CMC1: variants seen among roughly 807,000 people sequenced by gnomAD.
CMC1 encodes the protein C-X9-C motif containing 1.
Under a neutral mutation model 14.1 loss-of-function variants are expected in CMC1, and 14 were observed. The ratio of observed to expected loss-of-function variants is 0.99; its 90% CI spans 0.66 to 1.55. The LOEUF (loss-of-function observed/expected upper bound fraction) is 1.55. Ranked by LOEUF, CMC1 falls within the 40% of genes most tolerant of loss-of-function variation. CMC1 has a pLI of 0.00. For synonymous variants in CMC1, 50 were observed against 38.4 expected, an observed-to-expected ratio of 1.30 and a Z score of -1.12; for missense variants, 127 against 123.8, an observed-to-expected ratio of 1.03 and a Z score of -0.12.
Position 28,322,501 on chromosome 3 carries a change from A to G in CMC1, c.*2872A>G, listed in dbSNP as rs575747519. On this transcript the variant is annotated 3_prime_UTR_variant, in exon 4 of 4. Transcript: ENST00000466830. ...TTTAAAAAAGGCAAACCAGTAAGCT[A>G]CATTAGAGATCAGATATAATATACA... The G allele has an allele frequency of 6.6e-6, 1 of 151,864 alleles. No homozygotes were observed. The highest frequency in any genetic ancestry group is 1.5e-5 in the Non-Finnish European group (1 of 67,468). 9.4% of individuals were successfully genotyped at this position (151,864 alleles called of 1,614,324 possible). A position where few individuals can be genotyped will look rare whatever the true frequency, so the allele number is the denominator to read the frequency against.
intron 1 of CMC1, among the ~76,000 whole-genome samples, chr3:28,257,622 G>A (rs1044799514): frequency 6.6e-6 from 1 of 152,074 alleles, no homozygotes; most frequent in Non-Finnish European, 1.5e-5. Context: ...GGGTTCAAGC[G>A]ATTTTCCTGC....
At chr3:28,302,918 T>C (rs1044947785) in intron 2 of CMC1, among the ~76,000 whole-genome samples, 1 of 152,184 alleles carries the variant, frequency 6.6e-6, no homozygotes, top group Non-Finnish European at 1.5e-5. Context: ...GTAGGAGTTT[T>C]TCATGTGTTC....
At chr3:28,294,510 A>G in intron 2 of CMC1, 5 of 919,550 alleles carry the variant, frequency 5.4e-6, no homozygotes, top group Non-Finnish European at 6.5e-6. Flanking sequence ...GGACGAACTT[A>G]TATAGCTACA....
chr3:28,272,940 C>G (rs1406769931), intron 2 of CMC1, among the ~76,000 whole-genome samples: 1 of 152,188 alleles, frequency 6.6e-6, no homozygotes. Context: ...CCACCTTGGC[C>G]TCCCAAAGTG....
chr3:28,243,861 G>A (rs1007346512), intron 1 of CMC1, among the ~76,000 whole-genome samples: 3 of 152,172 alleles, frequency 2.0e-5, no homozygotes, highest in African/African-American at 7.2e-5. Flanking sequence ...CATTTTTACA[G>A]ATTGTGATAA....
chr3:28,253,356 C>T (rs1228765811), intron 1 of CMC1, among the ~76,000 whole-genome samples: 1 of 152,042 alleles, frequency 6.6e-6, no homozygotes, highest in African/African-American at 2.4e-5. Flanking sequence ...GTGGGTGGAT[C>T]GCTTGAGTCC....
intron 2 of CMC1, among the ~76,000 whole-genome samples, chr3:28,265,500 G>A (rs902249612): frequency 6.6e-6 from 1 of 152,010 alleles, no homozygotes; most frequent in Admixed American, 6.6e-5. Flanking sequence ...TTATATAAAA[G>A]CATTATATAT....
intron 2 of CMC1, among the ~76,000 whole-genome samples, chr3:28,303,073 A>T (rs1186387198): frequency 6.6e-6 from 1 of 152,204 alleles, no homozygotes; most frequent in Non-Finnish European, 1.5e-5. Flanking sequence ...TCATCTGGCA[A>T]ATGAAGATAA....
chr3:28,260,689 A>C (rs1699691402), intron 1 of CMC1, among the ~76,000 whole-genome samples: 1 of 151,944 alleles, frequency 6.6e-6, no homozygotes, highest in East Asian at 1.9e-4. Flanking sequence ...ACTTAAGTTA[A>C]TACAAGACCT....
At chr3:28,257,657 T>A (rs1225901165) in intron 1 of CMC1, among the ~76,000 whole-genome samples, 7 of 152,152 alleles carry the variant, frequency 4.6e-5, no homozygotes, top group Non-Finnish European at 1.0e-4. Context: ...TGGCTGGGAC[T>A]TTAGGCGCAC....
At chr3:28,255,200 C>A (rs934324000) in intron 1 of CMC1, among the ~76,000 whole-genome samples, 1 of 152,036 alleles carries the variant, frequency 6.6e-6, no homozygotes, top group Non-Finnish European at 1.5e-5. Context: ...TTCTCTCCAA[C>A]CATGCTTCCA....
chr3:28,309,933 G>A (rs1702546757), intron 2 of CMC1, among the ~76,000 whole-genome samples: 1 of 100,148 alleles, frequency 1.0e-5, no homozygotes, highest in South Asian at 3.3e-4. Flanking sequence ...TCCTCCACCT[G>A]ACGTCCACCA....
intron 2 of CMC1, chr3:28,315,914 T>A (rs1441672628): frequency 6.5e-6 from 1 of 154,384 alleles, no homozygotes; most frequent in East Asian, 1.9e-4. Context: ...TGGACCACGA[T>A]GAAATTGCCA....
Position 28,242,039 on chromosome 3 carries a change from C to T in CMC1, c.19+227C>T, listed in dbSNP as rs138136603. 1.6e-3 allele frequency: 681 copies of T among 416,696 alleles called. 4 individuals are homozygous for T. The highest frequency in any genetic ancestry group is 0.012 in the African/African-American group (597 of 49,056). 25.8% of individuals were successfully genotyped at this position (416,696 alleles called of 1,614,324 possible). On this transcript the variant is annotated intron_variant, in intron 1 of 3. Coordinates refer to ENST00000466830, the MANE Select transcript of CMC1 (RefSeq NM_182523.2). ...TGCGTTTGTTGTCTAAAGTATCATC[C>T]ATTGTGGTTTCCAACTTAACGCGAC...
chr3:28,318,600 C>CA (rs1703052775), intron 3 of CMC1: 1 of 151,584 alleles, frequency 6.6e-6, no homozygotes, highest in South Asian at 2.1e-4. Context: ...TCCTTTTGCT[C>CA]GTCCTACAAC....
chr3:28,263,120 A>C, intron 1 of CMC1, 171 bp from the exon 2 acceptor site: 1 of 551,128 alleles, frequency 1.8e-6, no homozygotes, highest in East Asian at 3.4e-5. Flanking sequence ...ATATAAAAAA[A>C]CATTGCAAAT....
intron 2 of CMC1, among the ~76,000 whole-genome samples, chr3:28,279,386 T>A (rs979170790): frequency 2.0e-5 from 3 of 152,154 alleles, no homozygotes; most frequent in African/African-American, 7.2e-5. Flanking sequence ...GAACCCAAAC[T>A]TTCTACTCGT....
intron 2 of CMC1, among the ~76,000 whole-genome samples, chr3:28,293,411 A>G (rs987868302): frequency 4.6e-5 from 7 of 152,100 alleles, no homozygotes; most frequent in African/African-American, 1.7e-4. Flanking sequence ...GAAGAGAAGC[A>G]TGATGATGCC....
At chr3:28,274,961 T>G (rs1299151853) in intron 2 of CMC1, among the ~76,000 whole-genome samples, 2 of 152,202 alleles carry the variant, frequency 1.3e-5, no homozygotes, top group Non-Finnish European at 1.5e-5. Flanking sequence ...TGTTCCTTTC[T>G]AAACTGGTCA....
Sources: gnomAD v4.1 joint callset for allele counts (sites outside exome capture counted in the v4.1 genomes callset) on GRCh38, gnomAD v4.1.1 for gene constraint, MANE v1.5 for transcripts, NCBI Gene and HGNC (gene_info 2026-07-23, HGNC 2026-07-21) for gene names.